RPS6KA4: variants seen among roughly 807,000 people sequenced by gnomAD.
RPS6KA4 encodes ribosomal protein S6 kinase alpha-4.
In RPS6KA4, 38 loss-of-function variants were observed where a neutral mutation model predicts 89.6. The observed-to-expected ratio is 0.42, with a 90% CI of 0.33 to 0.56. The LOEUF (loss-of-function observed/expected upper bound fraction) is 0.56. RPS6KA4 is among the 20% of genes least tolerant of loss of function. The pLI is 0.07. For synonymous variants in RPS6KA4, 495 were observed against 492.8 expected (o/e 1.00, Z -0.06); for missense variants, 873 against 1,098.8 (o/e 0.79, Z 2.90).
At chr11:64,359,802 C>A in intron 2 of RPS6KA4, 1 of 530,084 alleles carries the variant, frequency 1.9e-6, no homozygotes, top group Admixed American at 3.5e-5. Context: ...CTGGTTTGCG[C>A]ATCCCTTCCC....
At chr11:64,359,917 G>C (rs1210493499) in intron 2 of RPS6KA4, 3 of 574,258 alleles carry the variant, frequency 5.2e-6, no homozygotes, top group Non-Finnish European at 9.2e-6. Flanking sequence ...CCTCGCAGCA[G>C]GCCCCCTGGA....
At chr11:64,366,884 C>T (rs2036897607) in intron 9 of RPS6KA4, among the ~76,000 whole-genome samples, 1 of 152,150 alleles carries the variant, frequency 6.6e-6, no homozygotes, top group Non-Finnish European at 1.5e-5. Context: ...GTTTAATAGA[C>T]AGACCAAGTA....
chr11:64,368,638 C>T, intron 11 of RPS6KA4, 37 bp downstream of exon 11: 1 of 1,579,338 alleles, frequency 6.3e-7, no homozygotes, highest in Non-Finnish European at 8.6e-7. Context: ...GTGGGGGTGG[C>T]AGAGCGCTGT....
intron 9 of RPS6KA4, among the ~76,000 whole-genome samples, chr11:64,366,053 A>AG (rs2036873933): frequency 1.3e-5 from 2 of 151,824 alleles, no homozygotes; most frequent in Non-Finnish European, 2.9e-5. Flanking sequence ...AAAAAAAAAA[A>AG]GAGATCTTCA....
At chr11:64,363,500 T>C (rs985748212) in intron 8 of RPS6KA4, among the ~76,000 whole-genome samples, 11 of 152,158 alleles carry the variant, frequency 7.2e-5, no homozygotes, top group African/African-American at 2.6e-4. Flanking sequence ...TTTCTTTTTC[T>C]TTTCTTTTTT....
chr11:64,362,146 C>A, intron 8 of RPS6KA4, 144 bp downstream of exon 8: 1 of 984,400 alleles, frequency 1.0e-6, no homozygotes, highest in Non-Finnish European at 1.5e-6. Flanking sequence ...CTAGGTTTCT[C>A]TTCACATCCA....
At position 64,369,725 on chromosome 11, in the gene RPS6KA4, C is replaced by A. The variant is rs373556651; in HGVS notation, c.1629C>A (p.Pro543=). Residue 543 remains proline, a synonymous_variant, in exon 14 of 17, where the codon CCC becomes CCA. Coordinates refer to ENST00000334205, the MANE Select transcript of RPS6KA4 (RefSeq NM_003942.3). ...PENILYADDT[P]GAPVKIIDFG... ...ACATCCTGTACGCCGACGACACGCC[C>A]GGGGCCCCGGTGAAAATCATCGACT... 5.0e-6 allele frequency: 8 copies of A among 1,610,796 alleles called. No homozygotes were observed. Among genetic ancestry groups the A allele is most frequent in the Non-Finnish European group, 6.8e-6 (8 of 1,178,746 alleles).
chr11:64,369,504 G>A lies in RPS6KA4; in HGVS notation c.1487G>A (p.Arg496His). Reference protein sequence around the residue: ...LRGGELLEHIRKKRHFSESEA... With the variant: ...LRGGELLEHIHKKRHFSESEA... ...GGCGGGGAGCTGCTGGAGCACATCC[G>A]CAAGAAGCGGCACTTCAGCGAGTCG... is the stretch of plus-strand genomic sequence containing the variant. Residue 496 changes from arginine (R) to histidine (H), a missense_variant, in exon 13 of 17, where the codon CGC (arginine) becomes CAC (histidine). Arg to His is a conservative substitution (Grantham distance 29). Transcript: ENST00000334205. 1 of 1,609,964 alleles carries A rather than the reference G, an allele frequency of 6.2e-7. No homozygotes were observed. The highest frequency in any genetic ancestry group is 8.5e-7 in the Non-Finnish European group (1 of 1,178,892).
chr11:64,360,783 T>C (rs547405196), intron 4 of RPS6KA4, among the ~76,000 whole-genome samples, 191 bp downstream of exon 4: 134 of 152,084 alleles, frequency 8.8e-4, no homozygotes, highest in Middle Eastern at 3.4e-3. Context: ...TGGGGTCCCC[T>C]CCCCTGGCAC....
rs754948841 is a variant in RPS6KA4 at position 64,369,625 on chromosome 11, C to T, written c.1602+6C>T. The T allele has an allele frequency of 6.2e-7, 1 of 1,601,966 alleles. No homozygotes were observed. On this transcript the variant is annotated splice_donor_region_variant and intron_variant, in intron 13 of 16. Transcript: ENST00000334205. ...ACCGCGACCTCAAGCCGGAGGTGGG[C>T]GAGCTGCCTCGGCGGCGGGGCGGAG...
At chr11:64,362,565 CAG>C (rs771860369) in intron 8 of RPS6KA4, among the ~76,000 whole-genome samples, 3 of 152,350 alleles carry the variant, frequency 2.0e-5, no homozygotes, top group Non-Finnish European at 2.9e-5. Flanking sequence ...TGCACTGACT[CAG>C]GGGCTGGGCC....
Position 64,369,849 on chromosome 11 carries a change from G to C in RPS6KA4, c.1753G>C (p.Gly585Arg). 1 of 1,576,482 alleles carries C rather than the reference G, an allele frequency of 6.3e-7. No individual in the cohort carries two copies. The highest frequency in any genetic ancestry group is 8.6e-7 in the Non-Finnish European group (1 of 1,162,120). The part of the protein sequence containing the change: ...YAAPELLAQQ[G>R]YDESCDLWSL... ...TGCCCCCGAGCTGCTGGCGCAGCAG[G>C]GCTACGACGAGTCCTGCGACCTCTG... Residue 585 changes from glycine to arginine, a missense_variant, in exon 14 of 17, where the codon GGC becomes CGC. Transcript: ENST00000334205.
chr11:64,370,781 G>A lies in RPS6KA4; in HGVS notation c.2121+55G>A, dbSNP rs2037044780. On this transcript the variant is annotated intron_variant, in intron 16 of 16. Transcript: ENST00000334205. This position sits in a 1 kb window ranked among gnomAD's most constrained non-coding sequence, Gnocchi z 4.1. ...GGTGGGCGAAGCCTCGAGAGGTGGG[G>A]TCTGGGGAGGCCCGGCCATCGGAGC... The A allele has an allele frequency of 2.1e-6, 3 of 1,459,786 alleles. No homozygotes were observed. The African/African-American group carries it at 4.2e-5, about 20-fold the overall frequency. The allele number at this position is 1,459,786 out of a possible 1,614,324, so 90.4% of individuals were successfully genotyped here.
rs774045369 is a variant in RPS6KA4, at chr11:64,361,451, G to A, written c.571-18G>A. On this transcript the variant is annotated intron_variant, in intron 5 of 16. Coordinates refer to ENST00000334205, the MANE Select transcript of RPS6KA4 (RefSeq NM_003942.3). This position sits in a 1 kb window ranked among gnomAD's most constrained non-coding sequence, Gnocchi z 4.7. ...AGGAGAGGTTTCGACATCTAAGCAG[G>A]ACCTCTTGCCCTCCCAGAAAGAGCG... is the stretch of plus-strand genomic sequence containing the variant. The A allele has an allele frequency of 6.2e-7, 1 of 1,613,878 alleles. No individual in the cohort carries two copies. Among genetic ancestry groups the A allele is most frequent in the South Asian group, 1.1e-5 (1 of 91,080 alleles).
intron 9 of RPS6KA4, 32 bp from the exon 10 acceptor site, chr11:64,368,100 C>T (rs377387078): frequency 1.5e-5 from 24 of 1,610,612 alleles, no homozygotes; most frequent in Non-Finnish European, 1.9e-5. Context: ...ACCCCCATGC[C>T]CATGCCCATT....
Position 64,370,610 on chromosome 11 carries a change from CGGGG to C in RPS6KA4, c.2006_2009del (p.Arg669ProfsTer50). On this transcript the variant is annotated frameshift_variant, in exon 16 of 17. Transcript: ENST00000334205. LOFTEE classifies it high-confidence loss of function. This position sits in a 1 kb window ranked among gnomAD's most constrained non-coding sequence, Gnocchi z 4.1. ...CAAGCGGCTGAAGCTCGAGGGACTG[CGGGG>C]CAGCTCGTGGCTGCAGGACGGCAGC... 6.3e-7 allele frequency: 1 copy of C among 1,584,376 alleles called. No individual in the cohort carries two copies. The highest frequency in any genetic ancestry group is 1.1e-5 in the South Asian group (1 of 88,946).
At position 64,361,604 on chromosome 11, in the gene RPS6KA4, G is replaced by A; in HGVS notation, c.652-38G>A. The stretch of plus-strand genomic sequence containing the variant: ...AGGTGGAAAGGTGGGGTGTGAGGCA[G>A]GGGAGATGCAGGCCCTCACCCCGGC... On this transcript the variant is annotated intron_variant, in intron 6 of 16. Coordinates refer to ENST00000334205, the MANE Select transcript of RPS6KA4 (RefSeq NM_003942.3). The surrounding 1 kb of genome is among the most constrained non-coding windows in gnomAD (Gnocchi z 4.7). The A allele has an allele frequency of 6.2e-7, 1 of 1,613,434 alleles. No individual in the cohort carries two copies. The highest frequency in any genetic ancestry group is 8.5e-7 in the Non-Finnish European group (1 of 1,179,722).
chr11:64,368,664 G>A (rs989110325), intron 11 of RPS6KA4, 40 bp from the exon 12 acceptor site: 10 of 1,571,834 alleles, frequency 6.4e-6, no homozygotes, highest in Non-Finnish European at 8.6e-6. Flanking sequence ...GGGCGGGGCC[G>A]AAGCGCGGCG....
chr11:64,365,653 G>A (rs1472214595), intron 9 of RPS6KA4, among the ~76,000 whole-genome samples, 188 bp downstream of exon 9: 6 of 152,232 alleles, frequency 3.9e-5, no homozygotes, highest in Non-Finnish European at 8.8e-5. Flanking sequence ...CAGGATGTGT[G>A]TTTGATAGTT....
Sources: gnomAD v4.1 joint callset for allele counts (sites outside exome capture counted in the v4.1 genomes callset) on GRCh38, gnomAD v4.1.1 for gene constraint, Gnocchi (gnomAD v3.1) non-coding constraint, MANE v1.5 for transcripts, NCBI Gene and HGNC (gene_info 2026-07-23, HGNC 2026-07-21) for gene names.